FBXW11: variants seen among roughly 807,000 people sequenced by gnomAD.
The protein encoded by FBXW11 is F-box/WD repeat-containing protein 11.
FBXW11 carries 19 observed loss-of-function variants against 77.6 expected under a neutral mutation model. The ratio of observed to expected loss-of-function variants is 0.24; its 90% CI spans 0.17 to 0.36. FBXW11 has a LOEUF of 0.36. Among genes scored for constraint, FBXW11 ranks in the 10% least tolerant of loss-of-function variants. FBXW11 has a pLI of 1.00. For missense variants in FBXW11, 334 were observed against 704.2 expected (o/e 0.47, Z 5.95); for synonymous variants, 235 against 249.4 (o/e 0.94, Z 0.54).
chr5:171,884,141 T>C (rs1758720439), intron 7 of FBXW11, among the ~76,000 whole-genome samples: 1 of 152,224 alleles, frequency 6.6e-6, no homozygotes, highest in Non-Finnish European at 1.5e-5. Context: ...GTTTTTCCAA[T>C]GTTATCTCCC....
chr5:171,952,445 A>ATTTTTT (rs1206783053), intron 2 of FBXW11, among the ~76,000 whole-genome samples: 6 of 9,594 alleles, frequency 6.3e-4, no homozygotes, highest in African/African-American at 8.3e-4. Flanking sequence ...ATATATATAT[A>ATTTTTT]TATTTTTTTT....
At chr5:171,961,481 T>C (rs1763903659) in intron 1 of FBXW11, among the ~76,000 whole-genome samples, 1 of 152,186 alleles carries the variant, frequency 6.6e-6, no homozygotes, top group Non-Finnish European at 1.5e-5. Context: ...CACCTTTTAG[T>C]AAGAAAGTCT....
chr5:171,930,325 A>G (rs1269268416), intron 2 of FBXW11, among the ~76,000 whole-genome samples: 1 of 152,264 alleles, frequency 6.6e-6, no homozygotes, highest in African/African-American at 2.4e-5. Flanking sequence ...CATCATACGT[A>G]TTAGTGAAAA....
intron 4 of FBXW11, among the ~76,000 whole-genome samples, chr5:171,902,375 T>C (rs1249302569): frequency 1.3e-5 from 2 of 152,216 alleles, no homozygotes; most frequent in South Asian, 2.1e-4. Context: ...TTCATGTTCA[T>C]TATAGAAAAT....
chr5:171,950,120 T>C (rs1763227793), intron 2 of FBXW11, among the ~76,000 whole-genome samples: 2 of 152,196 alleles, frequency 1.3e-5, no homozygotes, highest in Admixed American at 6.5e-5. Context: ...TAAATGATGA[T>C]AGAAAATCTT....
chr5:171,898,479 A>G (rs1209404510), intron 6 of FBXW11, among the ~76,000 whole-genome samples: 1 of 152,240 alleles, frequency 6.6e-6, no homozygotes, highest in Non-Finnish European at 1.5e-5. Context: ...TCAAGTTTAC[A>G]GAGTTTTACT....
At chr5:172,002,703 T>C (rs934011520) in intron 1 of FBXW11, among the ~76,000 whole-genome samples, 76 of 137,746 alleles carry the variant, frequency 5.5e-4, no homozygotes, top group Non-Finnish European at 5.0e-4. Context: ...TTTCTTTTTT[T>C]TTTTTTTTTT....
At chr5:171,962,607 T>C (rs557935608) in intron 1 of FBXW11, among the ~76,000 whole-genome samples, 8 of 152,264 alleles carry the variant, frequency 5.3e-5, no homozygotes, top group Non-Finnish European at 8.8e-5. Context: ...ACACCATAAG[T>C]CAGTAAAGAC....
rs961386387 is a variant in FBXW11 at position 171,899,822 on chromosome 5, C to A, written c.623+92G>T. The A allele has an allele frequency of 6.9e-5, 79 of 1,150,870 alleles. No individual in the cohort carries two copies. In the African/African-American group the frequency reaches 1.0e-3, roughly 15 times the overall value. 71.3% of individuals were successfully genotyped at this position (1,150,870 alleles called of 1,614,324 possible). A position where few individuals can be genotyped will look rare whatever the true frequency, so the allele number is the denominator to read the frequency against. On this transcript the variant is annotated intron_variant, in intron 5 of 13. Coordinates refer to ENST00000517395, the MANE Select transcript of FBXW11 (RefSeq NM_001378974.1). The stretch of plus-strand genomic sequence containing the variant: ...TCCCCCCTTTTTAAAAATAGGCCAG[C>A]ACATTTGCAAGTATAATTGCATTTT...
chr5:172,001,944 T>C (rs1249783083), intron 1 of FBXW11, among the ~76,000 whole-genome samples: 2 of 152,158 alleles, frequency 1.3e-5, no homozygotes, highest in Non-Finnish European at 2.9e-5. Context: ...TGGAGGACCA[T>C]GGTCCTCCAT....
In FBXW11 at chr5:171,878,591, TAA is replaced by T. The variant is rs1491291770; in HGVS notation, c.853-464_853-463del. 5.3e-3 allele frequency among the ~76,000 whole-genome samples: 510 copies of T among 95,510 alleles called. 3 individuals are homozygous for T. The highest frequency in any genetic ancestry group is 0.043 in the Middle Eastern group (9 of 210). 62.7% of individuals were successfully genotyped at this position (95,510 alleles called of 152,430 possible). ...GTGTGTGTGTGTGTGTGTGTGTGTG[TAA>T]GAGAGAGAGAGTGTGTGTGTGTGTG... On this transcript the variant is annotated intron_variant, in intron 7 of 13. Transcript: ENST00000517395.
intron 7 of FBXW11, among the ~76,000 whole-genome samples, chr5:171,889,390 T>C (rs1258330711): frequency 6.6e-6 from 1 of 151,960 alleles, no homozygotes; most frequent in Non-Finnish European, 1.5e-5. Context: ...TAGCTGGGCA[T>C]GGTGGCTCAT....
intron 2 of FBXW11, among the ~76,000 whole-genome samples, chr5:171,944,716 A>G (rs1310198668): frequency 2.0e-5 from 3 of 152,158 alleles, no homozygotes; most frequent in Non-Finnish European, 4.4e-5. Flanking sequence ...TACAATCAAA[A>G]GAGAACTTTT....
chr5:171,987,823 A>G (rs980794297), intron 1 of FBXW11, among the ~76,000 whole-genome samples: 2 of 152,068 alleles, frequency 1.3e-5, no homozygotes, highest in African/African-American at 4.8e-5. Flanking sequence ...CTGTTTGTCT[A>G]CTTCCCGTGA....
chr5:171,952,447 A>ATTT (rs1164383563), intron 2 of FBXW11, among the ~76,000 whole-genome samples: 4 of 6,948 alleles, frequency 5.8e-4, no homozygotes, highest in African/African-American at 6.8e-4. Context: ...ATATATATAT[A>ATTT]TTTTTTTTTT....
At chr5:171,917,223 G>A (rs1268655609) in intron 2 of FBXW11, among the ~76,000 whole-genome samples, 1 of 152,192 alleles carries the variant, frequency 6.6e-6, no homozygotes, top group African/African-American at 2.4e-5. Flanking sequence ...CCAGCCAAGA[G>A]ATGTATATAT....
chr5:171,918,527 A>G (rs1181952203), intron 2 of FBXW11, among the ~76,000 whole-genome samples: 1 of 152,172 alleles, frequency 6.6e-6, no homozygotes, highest in African/African-American at 2.4e-5. Flanking sequence ...CACTTATGAG[A>G]AGGAAAAGTT....
intron 6 of FBXW11, 117 bp downstream of exon 6, chr5:171,898,887 C>T (rs1759927190): frequency 3.6e-6 from 2 of 559,426 alleles, no homozygotes; most frequent in African/African-American, 1.9e-5. Context: ...AAAAGCTCAA[C>T]TTTTTAAAAA....
At chr5:171,909,973 C>A in intron 4 of FBXW11, among the ~76,000 whole-genome samples, 1 of 151,640 alleles carries the variant, frequency 6.6e-6, no homozygotes, top group East Asian at 1.9e-4. Context: ...AGGCAAAGTG[C>A]AGACTCTAAA....
Sources: allele counts gnomAD v4.1 joint callset (sites outside exome capture counted in the v4.1 genomes callset), GRCh38; gene constraint gnomAD v4.1.1; transcripts MANE v1.5; gene names NCBI Gene and HGNC (gene_info 2026-07-23, HGNC 2026-07-21).